Variants in SEM1 observed in about 807,000 individuals in gnomAD.
The protein encoded by SEM1 is SEM1 26S proteasome subunit.
In SEM1, 3 loss-of-function variants were observed where a neutral mutation model predicts 12.7. The observed-to-expected ratio is 0.24, with a 90% CI of 0.11 to 0.61. The LOEUF is 0.61. Ranked by LOEUF, SEM1 falls within the 20% of genes least tolerant of loss-of-function variation. The pLI is 0.88. For synonymous variants in SEM1, 30 were observed against 27.8 expected, an observed-to-expected ratio of 1.08 and a Z score of -0.25; for missense variants, 59 against 81.3, an observed-to-expected ratio of 0.73 and a Z score of 1.06.
chr7:96,500,693 C>G (rs1227304384), upstream of SEM1, among the ~76,000 whole-genome samples: 4 of 152,116 alleles, frequency 2.6e-5, no homozygotes, highest in African/African-American at 7.2e-5. Context: ...ATCTGTGCTT[C>G]CTTATACTGC....
At chr7:96,561,642 C>T (rs4486124) in intron 2 of SEM1, among the ~76,000 whole-genome samples, 92,033 of 152,108 alleles carry the variant, frequency 0.61, 29,211 homozygotes, top group East Asian at 0.76. Flanking sequence ...ACTTGAACAT[C>T]GGTTCCATAT....
rs538631636 is a variant in SEM1, at chr7:96,588,748, A to C, written c.171-82050T>G. 1.1e-4 allele frequency among the ~76,000 whole-genome samples: 16 copies of C among 152,312 alleles called. No individual in the cohort carries two copies. In the South Asian group the frequency reaches 3.3e-3, roughly 32 times the overall value. The stretch of plus-strand genomic sequence containing the variant: ...ACCACTGCACTCCAGCTTGGGTGAC[A>C]GAGCAAGACCCTGTCTCAAAAAGTA... On this transcript the variant is annotated intron_variant and NMD_transcript_variant, in intron 2 of 3. Transcript: ENST00000466986.
chr7:96,540,521 A>G (rs916051734), intron 2 of SEM1, among the ~76,000 whole-genome samples: 6 of 151,852 alleles, frequency 4.0e-5, no homozygotes, highest in South Asian at 2.1e-4. Flanking sequence ...AATTTACACA[A>G]ATATTTATAA....
chr7:96,588,778 T>TA (rs1806739104), intron 2 of SEM1, among the ~76,000 whole-genome samples: 1 of 151,846 alleles, frequency 6.6e-6, no homozygotes, highest in Admixed American at 6.6e-5. Context: ...AAAGTAATAG[T>TA]AAAGAAAGAA....
intron 2 of SEM1, among the ~76,000 whole-genome samples, chr7:96,593,246 T>G (rs1806889862): frequency 6.6e-6 from 1 of 152,192 alleles, no homozygotes; most frequent in South Asian, 2.1e-4. Flanking sequence ...TGCTGGTTGA[T>G]ATTGCGTTCA....
intron 2 of SEM1, among the ~76,000 whole-genome samples, chr7:96,567,888 CA>C (rs1249241389): frequency 6.6e-6 from 1 of 150,904 alleles, no homozygotes; most frequent in Non-Finnish European, 1.5e-5. Flanking sequence ...TATTTTGGAT[CA>C]ATATTCACAA....
chr7:96,599,416 T>A (rs996566331), intron 2 of SEM1, among the ~76,000 whole-genome samples: 2 of 152,146 alleles, frequency 1.3e-5, no homozygotes, highest in Non-Finnish European at 2.9e-5. Flanking sequence ...TTTACCTAAA[T>A]GTCTGGGGTC....
rs538512970 is a variant in SEM1, at chr7:96,528,782, C to T, written c.171-22084G>A. Among the ~76,000 whole-genome samples, 8 of 152,208 alleles carry T rather than the reference C, an allele frequency of 5.3e-5. No individual in the cohort carries two copies. In the South Asian group the frequency reaches 6.2e-4, roughly 12 times the overall value. ...CAGTCATCAAGCTCTCCATGTGATG[C>T]ACATACATATTAAAGTGCTAGAGTA... On this transcript the variant is annotated intron_variant and NMD_transcript_variant, in intron 2 of 3. Transcript: ENST00000466986.
At chr7:96,689,910 C>T (rs896080666) in intron 2 of SEM1, among the ~76,000 whole-genome samples, 3 of 152,130 alleles carry the variant, frequency 2.0e-5, no homozygotes, top group African/African-American at 7.2e-5. Context: ...TCCCCTGCCC[C>T]TCAGGAAACT....
chr7:96,517,648 T>A (rs760150339), intron 2 of SEM1, among the ~76,000 whole-genome samples: 1 of 152,262 alleles, frequency 6.6e-6, no homozygotes, highest in East Asian at 1.9e-4. Context: ...TCCCTGATAG[T>A]TGTCTTTTTT....
chr7:96,672,889 G>A (rs541279276), downstream of SEM1: 69 of 152,222 alleles, frequency 4.5e-4, no homozygotes, highest in African/African-American at 1.6e-3. Context: ...GACTGCCTGG[G>A]TATCACTTAC....
Position 96,490,513 on chromosome 7 carries a change from C to G in SEM1, c.13-4096G>C, listed in dbSNP as rs116593105. Among the ~76,000 whole-genome samples the G allele has an allele frequency of 6.7e-3, 1,016 of 152,176 alleles. 11 individuals carry two copies. The highest frequency in any genetic ancestry group is 0.023 in the African/African-American group (965 of 41,502). ...AAATGCTAAATTACTTAACTGCCTC[C>G]CTAGAGTTTTAAGTTTTGTACAGTG... is the stretch of plus-strand genomic sequence containing the variant. On this transcript the variant is annotated intron_variant, in intron 1 of 3. Coordinates refer to the SEM1 transcript ENST00000356686.
At chr7:96,699,622 CCTT>C (rs1790208757) in intron 1 of SEM1, among the ~76,000 whole-genome samples, 2 of 152,304 alleles carry the variant, frequency 1.3e-5, no homozygotes, top group East Asian at 3.9e-4. Flanking sequence ...ACACCTTTTC[CCTT>C]CTTTTGAAAA....
chr7:96,631,195 C>T (rs945530806), intron 2 of SEM1, among the ~76,000 whole-genome samples: 1 of 152,048 alleles, frequency 6.6e-6, no homozygotes, highest in Admixed American at 6.6e-5. Flanking sequence ...GTCTCTGGGC[C>T]CAGTTCAGCA....
chr7:96,502,733 T>A (rs571505263), intron 3 of SEM1, among the ~76,000 whole-genome samples: 1 of 152,226 alleles, frequency 6.6e-6, no homozygotes, highest in Non-Finnish European at 1.5e-5. Flanking sequence ...AACGATTTCA[T>A]GCTCAAATTC....
At chr7:96,486,943 C>T (rs1361197193) in intron 1 of SEM1, among the ~76,000 whole-genome samples, 9 of 152,128 alleles carry the variant, frequency 5.9e-5, no homozygotes, top group African/African-American at 2.2e-4. Flanking sequence ...ATGCCTGTGC[C>T]TGCCTTATGT....
chr7:96,607,488 C>A (rs1807416136), intron 2 of SEM1, among the ~76,000 whole-genome samples: 1 of 152,200 alleles, frequency 6.6e-6, no homozygotes, highest in Admixed American at 6.5e-5. Context: ...AAAATTATCT[C>A]ATTTAACAAA....
intron 1 of SEM1, chr7:96,708,273 C>G (rs1397890418): frequency 1.3e-5 from 2 of 152,092 alleles, no homozygotes; most frequent in Non-Finnish European, 2.9e-5. Context: ...CTAAGAATGC[C>G]TACAACACAT....
chr7:96,694,256 G>A (rs980077840), intron 2 of SEM1, among the ~76,000 whole-genome samples: 20 of 151,918 alleles, frequency 1.3e-4, no homozygotes, highest in Non-Finnish European at 2.8e-4. Flanking sequence ...TGAAAATACT[G>A]GAACTAAATA....
Sources: gnomAD v4.1 joint callset for allele counts (sites outside exome capture counted in the v4.1 genomes callset) on GRCh38, gnomAD v4.1.1 for gene constraint, MANE v1.5 for transcripts, NCBI Gene and HGNC (gene_info 2026-07-23, HGNC 2026-07-21) for gene names.